YWHAE: variants seen among roughly 807,000 people sequenced by gnomAD.
YWHAE encodes 14-3-3 protein epsilon.
In YWHAE, 4 loss-of-function variants were observed where a neutral mutation model predicts 30.1. The ratio of observed to expected loss-of-function variants is 0.13; its 90% CI spans 0.07 to 0.30. The LOEUF (loss-of-function observed/expected upper bound fraction) is 0.30. YWHAE is among the 10% of genes least tolerant of loss of function. The pLI is 1.00. For synonymous variants in YWHAE, 118 were observed against 111.8 expected (o/e 1.06, Z -0.35); for missense variants, 121 against 315.9 (o/e 0.38, Z 4.68).
At chr17:1,383,987 C>G (rs1284666995) in intron 1 of YWHAE, among the ~76,000 whole-genome samples, 1 of 151,794 alleles carries the variant, frequency 6.6e-6, no homozygotes, top group Non-Finnish European at 1.5e-5. Flanking sequence ...ACGTGGATCA[C>G]AAGGTCAAGA....
chr17:1,380,294 T>G (rs1429771209), intron 1 of YWHAE, among the ~76,000 whole-genome samples: 1 of 152,018 alleles, frequency 6.6e-6, no homozygotes, highest in Admixed American at 6.6e-5. Flanking sequence ...GTATTTTTAG[T>G]AAAGGTGAGG....
intron 1 of YWHAE, among the ~76,000 whole-genome samples, chr17:1,368,071 T>C (rs969790050): frequency 2.6e-5 from 4 of 151,640 alleles, no homozygotes; most frequent in Admixed American, 2.6e-4. Flanking sequence ...GCCAACATGG[T>C]GACACCCCGT....
intron 1 of YWHAE, among the ~76,000 whole-genome samples, chr17:1,392,322 T>C (rs1362825746): frequency 6.6e-6 from 1 of 152,130 alleles, no homozygotes; most frequent in Non-Finnish European, 1.5e-5. Context: ...ATGCAGTGAA[T>C]CGTTACTGCA....
chr17:1,350,864 C>T (rs908026375), intron 5 of YWHAE, among the ~76,000 whole-genome samples: 1 of 151,428 alleles, frequency 6.6e-6, no homozygotes, highest in African/African-American at 2.4e-5. Context: ...TAGAGACCAG[C>T]CTGGCCAACA....
chr17:1,390,582 G>A (rs563855146), intron 1 of YWHAE, among the ~76,000 whole-genome samples: 1 of 152,264 alleles, frequency 6.6e-6, no homozygotes, highest in African/African-American at 2.4e-5. Context: ...CAAATTAGTA[G>A]GCAAGAGAGA....
At position 1,369,192 on chromosome 17, in the gene YWHAE, A is replaced by T. The variant is rs112881468; in HGVS notation, c.65-4134T>A. Among the ~76,000 whole-genome samples, 34 of 152,276 alleles carry T rather than the reference A, an allele frequency of 2.2e-4. 1 individual carries two copies. Among genetic ancestry groups the T allele is most frequent in the African/African-American group, 8.2e-4 (34 of 41,568 alleles). On this transcript the variant is annotated intron_variant, in intron 1 of 5. Transcript: ENST00000264335. ...TATTTATATATAATTCCCCTACCTA[A>T]CAATTCACCCATTTAAAGTGTACTA...
chr17:1,380,072 C>G (rs1308047271), intron 1 of YWHAE, among the ~76,000 whole-genome samples: 3 of 151,854 alleles, frequency 2.0e-5, no homozygotes, highest in Non-Finnish European at 4.4e-5. Context: ...ACAGCAAACA[C>G]CACACTTACA....
intron 4 of YWHAE, among the ~76,000 whole-genome samples, chr17:1,355,295 T>G (rs369773376): frequency 1.3e-5 from 2 of 150,382 alleles, no homozygotes; most frequent in African/African-American, 4.9e-5. Flanking sequence ...TAGCCGGGAC[T>G]ACAGGCGCCC....
chr17:1,352,760 C>T (rs1199709092), intron 5 of YWHAE, among the ~76,000 whole-genome samples: 3 of 152,000 alleles, frequency 2.0e-5, no homozygotes, highest in African/African-American at 7.3e-5. Flanking sequence ...CTCCTGACCG[C>T]GTGATCCACC....
chr17:1,372,011 TG>T (rs1330305494), intron 1 of YWHAE, among the ~76,000 whole-genome samples: 2 of 152,150 alleles, frequency 1.3e-5, no homozygotes, highest in Non-Finnish European at 2.9e-5. Context: ...GCTAATTTTT[TG>T]TATTTTTAGT....
chr17:1,358,548 T>A lies in YWHAE; in HGVS notation c.578+2544A>T, dbSNP rs893793507. ...GCCACTGCACGCAGCCCAAAAAAAATTTAAAAATTGGCCGGGCGCAGTGGC... is the reference window on the plus strand; with the variant it reads ...GCCACTGCACGCAGCCCAAAAAAAAATTAAAAATTGGCCGGGCGCAGTGGC... On this transcript the variant is annotated intron_variant, in intron 4 of 5. Transcript: ENST00000264335. 2.5e-3 allele frequency among the ~76,000 whole-genome samples: 375 copies of A among 148,886 alleles called. 1 individual carries two copies. The highest frequency in any genetic ancestry group is 8.5e-3 in the African/African-American group (345 of 40,816).
rs566935846 is a variant in YWHAE, at chr17:1,345,289, T to TA, written c.*157dup. 65,733 of 501,410 alleles carry TA rather than the reference T, an allele frequency of 0.13. 339 individuals carry two copies. Among genetic ancestry groups the TA allele is most frequent in the South Asian group, 0.15 (5,461 of 36,004 alleles). 31.1% of individuals were successfully genotyped at this position (501,410 alleles called of 1,614,324 possible). On this transcript the variant is annotated 3_prime_UTR_variant, in exon 6 of 6. Transcript: ENST00000264335. Reference sequence around the variant, plus strand: ...CCTTTAAGAACTTTTGAAAACTGTTTAAAAAAAAAAAAAAAAAACCAACAG... The same window carrying TA: ...CCTTTAAGAACTTTTGAAAACTGTTTAAAAAAAAAAAAAAAAAAACCAACAG...
intron 4 of YWHAE, among the ~76,000 whole-genome samples, chr17:1,355,406 G>A (rs988623457): frequency 6.6e-5 from 10 of 151,700 alleles, no homozygotes; most frequent in Non-Finnish European, 1.3e-4. Context: ...TGATGTGCCC[G>A]CCTCAGCCTC....
At chr17:1,376,802 A>G (rs1435986666) in intron 1 of YWHAE, among the ~76,000 whole-genome samples, 1 of 152,202 alleles carries the variant, frequency 6.6e-6, no homozygotes, top group East Asian at 1.9e-4. Flanking sequence ...TACAGCTCCT[A>G]ATGAAATTCA....
At chr17:1,346,202 G>C (rs184577946) in intron 5 of YWHAE, among the ~76,000 whole-genome samples, 1 of 152,154 alleles carries the variant, frequency 6.6e-6, no homozygotes, top group African/African-American at 2.4e-5. Flanking sequence ...ACTGCACTAT[G>C]ACATGCAACA....
chr17:1,347,966 T>G (rs201014278), intron 5 of YWHAE: 22 of 850,644 alleles, frequency 2.6e-5, no homozygotes, highest in Non-Finnish European at 3.1e-5. Flanking sequence ...ACTTACAAAG[T>G]AGAGTTTTTA....
rs1471773262 is a variant in YWHAE, at chr17:1,391,445, C to T, written c.64+8602G>A. 2.0e-5 allele frequency among the ~76,000 whole-genome samples: 3 copies of T among 152,064 alleles called. 1 individual carries two copies. The highest frequency in any genetic ancestry group is 4.4e-5 in the Non-Finnish European group (3 of 68,018). ...GGGTGACCACAAGGCAAGTTTGTTG[C>T]CCAGGACAATCCCAGTTTATGCCTG... On this transcript the variant is annotated intron_variant, in intron 1 of 5. Coordinates refer to ENST00000264335, the MANE Select transcript of YWHAE (RefSeq NM_006761.5).
intron 4 of YWHAE, among the ~76,000 whole-genome samples, chr17:1,359,457 A>G (rs1207340237): frequency 6.6e-6 from 1 of 152,232 alleles, no homozygotes; most frequent in African/African-American, 2.4e-5. Flanking sequence ...CTGACCACCA[A>G]AAGTTTAATG....
At chr17:1,385,781 GACA>G (rs1017146855) in intron 1 of YWHAE, among the ~76,000 whole-genome samples, 2 of 152,030 alleles carry the variant, frequency 1.3e-5, no homozygotes, top group Non-Finnish European at 2.9e-5. Context: ...ATACATTAAA[GACA>G]ACACTATTCA....
Sources: gnomAD v4.1 joint callset for allele counts (sites outside exome capture counted in the v4.1 genomes callset) on GRCh38, gnomAD v4.1.1 for gene constraint, MANE v1.5 for transcripts, NCBI Gene and HGNC (gene_info 2026-07-23, HGNC 2026-07-21) for gene names.